YIPF5: variants seen among roughly 807,000 people sequenced by gnomAD.
YIPF5 encodes protein YIPF5.
YIPF5 carries 8 observed loss-of-function variants against 30.4 expected under a neutral mutation model. The observed-to-expected ratio is 0.26, with a 90% CI of 0.15 to 0.47. The LOEUF is 0.47. Among genes scored for constraint, YIPF5 ranks in the 20% least tolerant of loss-of-function variants. The pLI, the probability that YIPF5 is intolerant of heterozygous loss-of-function variation, is 0.99. For missense variants in YIPF5, 282 were observed against 301.8 expected (o/e 0.93, Z 0.49); for synonymous variants, 104 against 107.9 (o/e 0.96, Z 0.23).
chr5:144,158,701 C>CT lies in YIPF5; in HGVS notation c.*1695dup. The CT allele has an allele frequency of 2.0e-6, 2 of 1,017,574 alleles. No individual in the cohort carries two copies. Among genetic ancestry groups the CT allele is most frequent in the Non-Finnish European group, 2.3e-6 (2 of 851,370 alleles). The allele number at this position is 1,017,574 out of a possible 1,614,324, so 63.0% of individuals were successfully genotyped here. Reference sequence around the variant, plus strand: ...GCCTATCAAATTACCTTCCAAATTGCTTTTTTAAAGCAATTTGGTAAGTTT... The same window carrying CT: ...GCCTATCAAATTACCTTCCAAATTGCTTTTTTTAAAGCAATTTGGTAAGTTT... On this transcript the variant is annotated 3_prime_UTR_variant, in exon 6 of 6. Transcript: ENST00000274496.
At position 144,165,425 on chromosome 5, in the gene YIPF5, A is replaced by T. The variant is rs1033575971; in HGVS notation, c.283+7T>A. ...TGAGTACTATCAAGTGTTGCAACAA[A>T]TCTTACCTTCTAATAAAGGTGGCTC... On this transcript the variant is annotated splice_region_variant and intron_variant, in intron 3 of 5. Coordinates refer to ENST00000274496, the MANE Select transcript of YIPF5 (RefSeq NM_030799.9). 3 of 1,613,856 alleles carry T rather than the reference A, an allele frequency of 1.9e-6. No individual in the cohort carries two copies. Among genetic ancestry groups the T allele is most frequent in the Admixed American group, 3.3e-5 (2 of 59,996 alleles).
At chr5:144,168,560 C>T (rs1336983948) in intron 2 of YIPF5, among the ~76,000 whole-genome samples, 1 of 152,040 alleles carries the variant, frequency 6.6e-6, no homozygotes, top group African/African-American at 2.4e-5. Flanking sequence ...TCCAACTCTG[C>T]CCATTAATTT....
At position 144,160,239 on chromosome 5, in the gene YIPF5, T is replaced by C. The variant is rs1751995794; in HGVS notation, c.*158A>G. ...TCCAATATAGTATGCAAAAGTTCTA[T>C]AAAAATGAACAAGAGATACACGTTT... On this transcript the variant is annotated 3_prime_UTR_variant, in exon 6 of 6. Coordinates refer to ENST00000274496, the MANE Select transcript of YIPF5 (RefSeq NM_030799.9). 2 of 1,450,618 alleles carry C rather than the reference T, an allele frequency of 1.4e-6. No homozygotes were observed. The highest frequency in any genetic ancestry group is 1.8e-6 in the Non-Finnish European group (2 of 1,103,550). 89.9% of individuals were successfully genotyped at this position (1,450,618 alleles called of 1,614,324 possible).
chr5:144,162,745 G>C (rs1341453393), intron 4 of YIPF5, among the ~76,000 whole-genome samples: 1 of 152,154 alleles, frequency 6.6e-6, no homozygotes, highest in Non-Finnish European at 1.5e-5. Context: ...AAGATGGAAA[G>C]CCGTTCAAAA....
chr5:144,161,254 T>C (rs1752031524), intron 5 of YIPF5, among the ~76,000 whole-genome samples: 2 of 151,434 alleles, frequency 1.3e-5, no homozygotes, highest in African/African-American at 4.9e-5. Context: ...ACTAGTCACA[T>C]GGAGGATTTT....
chr5:144,162,114 CTGATA>C, intron 5 of YIPF5, 99 bp downstream of exon 5: 1 of 1,261,608 alleles, frequency 7.9e-7, no homozygotes, highest in Non-Finnish European at 1.1e-6. Context: ...GAGGCACTAT[CTGATA>C]TGTTTGCTGA....
chr5:144,167,862 T>C (rs1752243558), intron 2 of YIPF5, among the ~76,000 whole-genome samples: 2 of 152,200 alleles, frequency 1.3e-5, no homozygotes, highest in Non-Finnish European at 2.9e-5. Flanking sequence ...TAGCGGATCT[T>C]TGTTACTAAA....
In YIPF5 at chr5:144,158,597, T is replaced by C. The variant is rs138383188; in HGVS notation, c.*1800A>G. 4 of 1,091,074 alleles carry C rather than the reference T, an allele frequency of 3.7e-6. No homozygotes were observed. Among genetic ancestry groups the C allele is most frequent in the Admixed American group, 5.7e-5 (1 of 17,480 alleles). 67.6% of individuals were successfully genotyped at this position (1,091,074 alleles called of 1,614,324 possible). Reference sequence around the variant, plus strand: ...AAGACATTTGCCTTAACAAAAACTATACTGAAAAAGACAAATGAATTGAAA... The same window carrying C: ...AAGACATTTGCCTTAACAAAAACTACACTGAAAAAGACAAATGAATTGAAA... On this transcript the variant is annotated 3_prime_UTR_variant, in exon 6 of 6. Coordinates refer to ENST00000274496, the MANE Select transcript of YIPF5 (RefSeq NM_030799.9).
At chr5:144,170,078 G>A in intron 1 of YIPF5, 113 bp from the exon 2 acceptor site, 1 of 801,720 alleles carries the variant, frequency 1.2e-6, no homozygotes, top group Non-Finnish European at 2.1e-6. Context: ...TCAGTAATTC[G>A]GAGAGGGGAT....
chr5:144,160,266 C>G lies in YIPF5; in HGVS notation c.*131G>C. ...AAAATGAACAAGAGATACACGTTTA[C>G]TTTCATTGCTCCAACAGTCAAATGT... On this transcript the variant is annotated 3_prime_UTR_variant, in exon 6 of 6. Coordinates refer to ENST00000274496, the MANE Select transcript of YIPF5 (RefSeq NM_030799.9). 5 of 1,491,666 alleles carry G rather than the reference C, an allele frequency of 3.4e-6. No individual in the cohort carries two copies. In the South Asian group the frequency reaches 5.8e-5, roughly 17 times the overall value. 92.4% of individuals were successfully genotyped at this position (1,491,666 alleles called of 1,614,324 possible).
intron 5 of YIPF5, among the ~76,000 whole-genome samples, chr5:144,161,162 C>T (rs1443609285): frequency 2.6e-5 from 4 of 151,914 alleles, no homozygotes; most frequent in Admixed American, 1.3e-4. Flanking sequence ...GATAAATAAT[C>T]GACATATTTG....
Position 144,159,311 on chromosome 5 carries a change from T to C in YIPF5, c.*1086A>G, listed in dbSNP as rs1000501102. On this transcript the variant is annotated 3_prime_UTR_variant, in exon 6 of 6. Coordinates refer to ENST00000274496, the MANE Select transcript of YIPF5 (RefSeq NM_030799.9). The stretch of plus-strand genomic sequence containing the variant: ...TTTTAATAAGCATTCAAATGTACTT[T>C]ACATTGATAATTGCAATATTGAATT... 1.0e-6 allele frequency: 1 copy of C among 973,920 alleles called. No homozygotes were observed. The highest frequency in any genetic ancestry group is 1.2e-6 in the Non-Finnish European group (1 of 819,478). The allele number at this position is 973,920 out of a possible 1,614,324, so 60.3% of individuals were successfully genotyped here. A position where few individuals can be genotyped will look rare whatever the true frequency, so the allele number is the denominator to read the frequency against.
At chr5:144,165,673 C>T (rs1752183108) in intron 2 of YIPF5, 69 bp from the exon 3 acceptor site, 2 of 1,462,992 alleles carry the variant, frequency 1.4e-6, no homozygotes, top group Admixed American at 4.0e-5. Context: ...CCCTTAAATT[C>T]CTAAATTTTC....
At chr5:144,162,695 A>G (rs1259463736) in intron 4 of YIPF5, among the ~76,000 whole-genome samples, 2 of 152,202 alleles carry the variant, frequency 1.3e-5, no homozygotes, top group Non-Finnish European at 2.9e-5. Context: ...AAGATTTCTA[A>G]AAAGAACTCT....
Position 144,159,541 on chromosome 5 carries a change from A to G in YIPF5, c.*856T>C, listed in dbSNP as rs1229662948. The G allele has an allele frequency of 1.0e-6, 1 of 985,274 alleles. No individual in the cohort carries two copies. Among genetic ancestry groups the G allele is most frequent in the Non-Finnish European group, 1.2e-6 (1 of 829,946 alleles). 61.0% of individuals were successfully genotyped at this position (985,274 alleles called of 1,614,324 possible). A position where few individuals can be genotyped will look rare whatever the true frequency, so the allele number is the denominator to read the frequency against. ...CTTCCCGTATCTCTGAATTTTAGCA[A>G]AAATTCCATGAGATAATTTACAGTA... On this transcript the variant is annotated 3_prime_UTR_variant, in exon 6 of 6. Transcript: ENST00000274496.
rs542728170 is a variant in YIPF5 at position 144,159,996 on chromosome 5, C to T, written c.*401G>A. 631 of 987,930 alleles carry T rather than the reference C, an allele frequency of 6.4e-4. 7 individuals carry two copies. In the African/African-American group the frequency reaches 0.01, roughly 16 times the overall value. 61.2% of individuals were successfully genotyped at this position (987,930 alleles called of 1,614,324 possible). A position where few individuals can be genotyped will look rare whatever the true frequency, so the allele number is the denominator to read the frequency against. On this transcript the variant is annotated 3_prime_UTR_variant, in exon 6 of 6. Transcript: ENST00000274496. ...GTGCTGGGATTACAGGCGTGAGCTA[C>T]CACGCCCGGCCGTCTTGTGTCTTCT...
intron 2 of YIPF5, among the ~76,000 whole-genome samples, chr5:144,166,047 G>T (rs2126760843): frequency 6.6e-6 from 1 of 152,206 alleles, no homozygotes; most frequent in South Asian, 2.1e-4. Flanking sequence ...ACTGTAATTT[G>T]GATAGCCATC....
chr5:144,160,460 T>C lies in YIPF5; in HGVS notation c.711A>G (p.Gln237=), dbSNP rs1475176547. 1 of 1,614,052 alleles carries C rather than the reference T, an allele frequency of 6.2e-7. No homozygotes were observed. The highest frequency in any genetic ancestry group is 8.5e-7 in the Non-Finnish European group (1 of 1,180,036). ...AAGCGCAAGGATATGCTACTAAAAGTTGCTGTCCTTCCATGGCTAATGCAG... is the reference window on the plus strand; with the variant it reads ...AAGCGCAAGGATATGCTACTAAAAGCTGCTGTCCTTCCATGGCTAATGCAG... The part of the protein sequence containing the change: ...FISALAMEGQ[Q]LLVAYPCALL... Residue 237 remains glutamine (Q), a synonymous_variant, in exon 6 of 6, where the codon CAA becomes CAG. Transcript: ENST00000274496.
intron 2 of YIPF5, among the ~76,000 whole-genome samples, chr5:144,166,969 T>C (rs1343807601): frequency 2.0e-5 from 3 of 152,154 alleles, no homozygotes; most frequent in East Asian, 1.9e-4. Flanking sequence ...GTTTTACCAA[T>C]CAATACTTTT....
Sources: allele counts gnomAD v4.1 joint callset (sites outside exome capture counted in the v4.1 genomes callset), GRCh38; gene constraint gnomAD v4.1.1; transcripts MANE v1.5; gene names NCBI Gene and HGNC (gene_info 2026-07-23, HGNC 2026-07-21).